KDELR3: variants seen among roughly 807,000 people sequenced by gnomAD.
KDELR3 encodes the protein ER lumen protein-retaining receptor 3.
A neutral mutation model predicts 22.7 loss-of-function variants in KDELR3; 26 were observed. The ratio of observed to expected loss-of-function variants is 1.15; its 90% confidence interval spans 0.84 to 1.59. The LOEUF is 1.59. Among genes scored for constraint, KDELR3 ranks in the 40% most tolerant of loss-of-function variants. The probability of loss-of-function intolerance (pLI) is 0.00; values close to 1 mark genes in which losing one functional copy is unlikely to be tolerated. For synonymous variants in KDELR3, 120 were observed against 98.2 expected (o/e 1.22, Z -1.31); for missense variants, 289 against 251.1 (o/e 1.15, Z -1.02).
At chr22:38,480,613 C>T (rs944486990) in intron 3 of KDELR3, among the ~76,000 whole-genome samples, 4 of 151,620 alleles carry the variant, frequency 2.6e-5, no homozygotes, top group South Asian at 2.1e-4. Flanking sequence ...ATTAGCCGAG[C>T]GTGGTGGCAG....
intron 3 of KDELR3, 141 bp downstream of exon 3, chr22:38,479,892 C>A: frequency 1.2e-6 from 1 of 812,936 alleles, no homozygotes; most frequent in Non-Finnish European, 2.0e-6. Context: ...AAGAAATTGA[C>A]AAGCTATTTA....
intron 1 of KDELR3, among the ~76,000 whole-genome samples, chr22:38,468,552 C>T (rs1047893371): frequency 6.6e-6 from 1 of 152,164 alleles, no homozygotes; most frequent in East Asian, 1.9e-4. Flanking sequence ...CCTGCACAGA[C>T]GCCCCCTCAG....
intron 1 of KDELR3, among the ~76,000 whole-genome samples, chr22:38,469,692 G>A (rs901067032): frequency 3.9e-5 from 6 of 152,206 alleles, no homozygotes; most frequent in Admixed American, 6.5e-5. Flanking sequence ...GGCCCTGCAC[G>A]GAGTGAGCAA....
At chr22:38,478,937 C>A (rs1319182121) in intron 2 of KDELR3, among the ~76,000 whole-genome samples, 1 of 151,922 alleles carries the variant, frequency 6.6e-6, no homozygotes, top group Non-Finnish European at 1.5e-5. Flanking sequence ...GCCTCCACAC[C>A]CAGGCAGCAT....
At chr22:38,481,737 A>C in intron 4 of KDELR3, 1 of 1,109,012 alleles carries the variant, frequency 9.0e-7, no homozygotes, top group Admixed American at 3.3e-5. Context: ...ACTTATTACA[A>C]GCCCCAAGGC....
chr22:38,474,506 T>C lies in KDELR3; in HGVS notation c.92-17T>C. 1 of 1,605,184 alleles carries C rather than the reference T, an allele frequency of 6.2e-7. No individual in the cohort carries two copies. Among genetic ancestry groups the C allele is most frequent in the Non-Finnish European group, 8.5e-7 (1 of 1,172,452 alleles). On this transcript the variant is annotated splice_polypyrimidine_tract_variant and intron_variant, in intron 1 of 4. Transcript: ENST00000216014. ...GAGTCTGTGTCCTCATTGTCTCCTG[T>C]CTACCCTTGGCCACAGGCATCTCTG...
chr22:38,475,801 T>C (rs371287462), intron 2 of KDELR3, among the ~76,000 whole-genome samples: 1 of 151,740 alleles, frequency 6.6e-6, no homozygotes, highest in African/African-American at 2.4e-5. Flanking sequence ...GTCCAGCTAA[T>C]TTTTGTATTT....
rs1369218063 is a variant in KDELR3 at position 38,479,722 on chromosome 22, C to T, written c.322C>T (p.Leu108Phe). Residue 108 changes from leucine to phenylalanine, a missense_variant, in exon 3 of 5, where the codon CTT becomes TTT. Physicochemically the swap from Leu to Phe is conservative, Grantham distance 22. Coordinates refer to ENST00000216014, the MANE Select transcript of KDELR3 (RefSeq NM_006855.4). ...GGTCCCAGTCATTGGCCTTTCCTTC[C>T]TTGAAAACTACAGTTTCACTCTGCT... ...LLVPVIGLSF[L>F]ENYSFTLLEI... The T allele has an allele frequency of 2.5e-6, 4 of 1,614,058 alleles. No homozygotes were observed. Among genetic ancestry groups the T allele is most frequent in the African/African-American group, 2.7e-5 (2 of 74,916 alleles).
intron 2 of KDELR3, among the ~76,000 whole-genome samples, chr22:38,477,099 T>G (rs1232325548): frequency 7.3e-6 from 1 of 136,254 alleles, no homozygotes; most frequent in East Asian, 2.2e-4. Flanking sequence ...TTTTGTATTT[T>G]TAATAAAGAC....
chr22:38,481,913 T>C (rs138435), intron 4 of KDELR3, among the ~76,000 whole-genome samples: 139,163 of 152,272 alleles, frequency 0.91, 64,355 homozygotes, highest in Non-Finnish European at 0.98. Context: ...AATACACTGA[T>C]AGCTTATGAG....
intron 1 of KDELR3, among the ~76,000 whole-genome samples, chr22:38,473,995 G>C (rs1167995129): frequency 6.6e-6 from 1 of 151,824 alleles, no homozygotes; most frequent in Non-Finnish European, 1.5e-5. Context: ...AAAGAAAAAA[G>C]AAAAAAGGCT....
intron 1 of KDELR3, among the ~76,000 whole-genome samples, chr22:38,469,577 T>C (rs2089511287): frequency 6.6e-6 from 1 of 151,242 alleles, no homozygotes; most frequent in Non-Finnish European, 1.5e-5. Context: ...ACAGTTCAGG[T>C]TCTTCCTCAG....
rs974259731 is a variant in KDELR3, at chr22:38,482,711, G to A, written c.*175G>A. ...CAGAAGACCTTCTCATCAATAGATC[G>A]CCCTTAAAGACCCATTGTAAGGTCA... On this transcript the variant is annotated 3_prime_UTR_variant, in exon 5 of 5. Transcript: ENST00000216014. 1.3e-4 allele frequency: 79 copies of A among 616,298 alleles called. 1 individual carries two copies. The South Asian group carries it at 1.4e-3, about 11-fold the overall frequency. The allele number at this position is 616,298 out of a possible 1,614,324, so 38.2% of individuals were successfully genotyped here.
Position 38,482,746 on chromosome 22 carries a change from T to C in KDELR3, c.*210T>C, listed in dbSNP as rs1381071462. ...ACCCATTGTAAGGTCATAAAAAACCTCGGCCACCTGCACAAAGATGGTGCC... is the reference window on the plus strand; with the variant it reads ...ACCCATTGTAAGGTCATAAAAAACCCCGGCCACCTGCACAAAGATGGTGCC... On this transcript the variant is annotated 3_prime_UTR_variant, in exon 5 of 5. Coordinates refer to ENST00000216014, the MANE Select transcript of KDELR3 (RefSeq NM_006855.4). The C allele has an allele frequency of 2.4e-5, 13 of 549,532 alleles. No homozygotes were observed. The highest frequency in any genetic ancestry group is 2.1e-4 in the African/African-American group (11 of 52,598). 34.0% of individuals were successfully genotyped at this position (549,532 alleles called of 1,614,324 possible).
intron 4 of KDELR3, 38 bp from the exon 5 acceptor site, chr22:38,482,458 A>T: frequency 6.5e-7 from 1 of 1,533,310 alleles, no homozygotes; most frequent in Non-Finnish European, 9.0e-7. Context: ...TCCTTTCATC[A>T]GATGGTAAAT....
At chr22:38,481,751 C>A (rs138433) in intron 4 of KDELR3, 896,531 of 924,512 alleles carry the variant, frequency 0.97, 435,146 homozygotes, top group Admixed American at 0.98. Context: ...CCAAGGCAAC[C>A]ACCAGCTTGG....
intron 3 of KDELR3, 77 bp from the exon 4 acceptor site, chr22:38,481,135 T>G: frequency 1.6e-6 from 2 of 1,287,006 alleles, no homozygotes; most frequent in Non-Finnish European, 2.2e-6. Context: ...CAAGCTATTG[T>G]TTTAGTAATT....
At chr22:38,477,446 A>C (rs937105219) in intron 2 of KDELR3, among the ~76,000 whole-genome samples, 1 of 146,802 alleles carries the variant, frequency 6.8e-6, no homozygotes, top group African/African-American at 2.5e-5. Flanking sequence ...CTCGTGATCC[A>C]CCCTCCTCGG....
chr22:38,471,021 G>C (rs1028474500), intron 1 of KDELR3, among the ~76,000 whole-genome samples: 1 of 152,156 alleles, frequency 6.6e-6, no homozygotes, highest in South Asian at 2.1e-4. Flanking sequence ...GCAGGTGCCT[G>C]TAATCCCAGC....
Sources: gnomAD v4.1 joint callset for allele counts (sites outside exome capture counted in the v4.1 genomes callset) on GRCh38, gnomAD v4.1.1 for gene constraint, MANE v1.5 for transcripts, NCBI Gene and HGNC (gene_info 2026-07-23, HGNC 2026-07-21) for gene names.